CASP10: variants seen among roughly 807,000 people sequenced by gnomAD.
CASP10 encodes caspase 10, also known as caspase-10.
CASP10 carries 41 observed loss-of-function variants against 48.5 expected under a neutral mutation model. The observed-to-expected ratio is 0.85, with a 90% CI of 0.66 to 1.10. The LOEUF is 1.10. CASP10 is among the 50% of genes least tolerant of loss of function. The pLI, the probability that CASP10 is intolerant of heterozygous loss-of-function variation, is 0.00. For missense variants in CASP10, 614 were observed against 614.5 expected, an observed-to-expected ratio of 1.00 and a Z score of 0.01; for synonymous variants, 232 against 238.4, an observed-to-expected ratio of 0.97 and a Z score of 0.25.
intron 5 of CASP10, among the ~76,000 whole-genome samples, chr2:201,199,052 A>C (rs1296967150): frequency 1.3e-5 from 2 of 152,058 alleles, no homozygotes; most frequent in Non-Finnish European, 2.9e-5. Context: ...ATTTTTGTGC[A>C]TTTACTCACA....
In CASP10 at chr2:201,220,776, A is replaced by T. The variant is rs569419852; in HGVS notation, c.*3035A>T. 51 of 985,246 alleles carry T rather than the reference A, an allele frequency of 5.2e-5. No individual in the cohort carries two copies. Among genetic ancestry groups the T allele is most frequent in the Non-Finnish European group, 5.9e-5 (49 of 829,950 alleles). The allele number at this position is 985,246 out of a possible 1,614,324, so 61.0% of individuals were successfully genotyped here. A position where few individuals can be genotyped will look rare whatever the true frequency, so the allele number is the denominator to read the frequency against. On this transcript the variant is annotated 3_prime_UTR_variant, in exon 10 of 10. Transcript: ENST00000286186. ...GATGATCTCCCAAAACCGTGTTCAT[A>T]ACAGTCAGGGCCAAAAGCTAGTGGT...
intron 9 of CASP10, among the ~76,000 whole-genome samples, chr2:201,227,855 G>A (rs1029487654): frequency 4.7e-5 from 7 of 150,338 alleles, no homozygotes; most frequent in South Asian, 2.2e-4. Flanking sequence ...CACCGCGCCC[G>A]GCCCCCAAAC....
At chr2:201,227,976 G>A (rs1945810533) in intron 9 of CASP10, among the ~76,000 whole-genome samples, 2 of 152,102 alleles carry the variant, frequency 1.3e-5, no homozygotes, top group Admixed American at 6.5e-5. Context: ...CACTCTGAAT[G>A]CACAATTAGA....
intron 9 of CASP10, 28 bp downstream of exon 9, chr2:201,209,590 G>C: frequency 6.3e-7 from 1 of 1,587,798 alleles, no homozygotes; most frequent in Non-Finnish European, 8.6e-7. Context: ...TCTTCCATTT[G>C]TAATTAATTA....
Position 201,219,597 on chromosome 2 carries a change from G to C in CASP10, c.*1856G>C. 1 of 985,480 alleles carries C rather than the reference G, an allele frequency of 1.0e-6. No individual in the cohort carries two copies. Among genetic ancestry groups the C allele is most frequent in the Non-Finnish European group, 1.2e-6 (1 of 829,974 alleles). The allele number at this position is 985,480 out of a possible 1,614,324, so 61.0% of individuals were successfully genotyped here. On this transcript the variant is annotated 3_prime_UTR_variant, in exon 10 of 10. Coordinates refer to ENST00000286186, the MANE Select transcript of CASP10 (RefSeq NM_032977.4). The stretch of plus-strand genomic sequence containing the variant: ...AACTGAAGCTGTTCTCAGGATCACT[G>C]GGCTCTTCTTGGCAGAGGGGATGTC...
At chr2:201,202,275 A>C (rs1945046786) in intron 5 of CASP10, among the ~76,000 whole-genome samples, 1 of 152,186 alleles carries the variant, frequency 6.6e-6, no homozygotes, top group South Asian at 2.1e-4. Flanking sequence ...TATCAAAAGA[A>C]GTTGAAAGAT....
intron 1 of CASP10, among the ~76,000 whole-genome samples, chr2:201,183,598 A>G (rs1944305688): frequency 6.6e-6 from 1 of 152,242 alleles, no homozygotes; most frequent in African/African-American, 2.4e-5. Context: ...TAGATGCGGT[A>G]GAATAGAAAG....
chr2:201,212,502 C>G (rs746286802), intron 9 of CASP10: 21 of 152,128 alleles, frequency 1.4e-4, no homozygotes, highest in Non-Finnish European at 2.4e-4. Context: ...TGTTGAGGCT[C>G]TCATGTATTG....
intron 3 of CASP10, 57 bp from the exon 4 acceptor site, chr2:201,192,927 T>C (rs1019013182): frequency 1.3e-6 from 2 of 1,578,992 alleles, no homozygotes; most frequent in African/African-American, 1.3e-5. Context: ...CAGATAACAT[T>C]TGAGTGAGTG....
chr2:201,208,307 G>A, intron 8 of CASP10, 124 bp downstream of exon 8: 3 of 1,434,416 alleles, frequency 2.1e-6, no homozygotes, highest in African/African-American at 2.9e-5. Flanking sequence ...TCATGTTTCT[G>A]AGCCTCTTAT....
intron 5 of CASP10, among the ~76,000 whole-genome samples, chr2:201,199,524 T>G (rs1944934159): frequency 6.7e-6 from 1 of 148,912 alleles, no homozygotes; most frequent in Non-Finnish European, 1.5e-5. Flanking sequence ...TATAATACAA[T>G]ACAATATTGT....
In CASP10 at chr2:201,220,713, T is replaced by G; in HGVS notation, c.*2972T>G. On this transcript the variant is annotated 3_prime_UTR_variant, in exon 10 of 10. Coordinates refer to ENST00000286186, the MANE Select transcript of CASP10 (RefSeq NM_032977.4). ...CTTGGCTGTCAAGCCACCTTTCATGTTTCTTTCCTCTTTCTTTAATTCTTA... is the reference window on the plus strand; with the variant it reads ...CTTGGCTGTCAAGCCACCTTTCATGGTTCTTTCCTCTTTCTTTAATTCTTA... 1.0e-6 allele frequency: 1 copy of G among 983,014 alleles called. No individual in the cohort carries two copies. The highest frequency in any genetic ancestry group is 4.7e-5 in the South Asian group (1 of 21,244). The allele number at this position is 983,014 out of a possible 1,614,324, so 60.9% of individuals were successfully genotyped here.
At chr2:201,206,799 A>G (rs925957357) in intron 7 of CASP10, among the ~76,000 whole-genome samples, 6 of 151,934 alleles carry the variant, frequency 3.9e-5, no homozygotes, top group Admixed American at 6.6e-5. Context: ...TTTTGAAGGC[A>G]TTAGATCACT....
At chr2:201,223,435 G>A (rs1945749702), downstream of CASP10, among the ~76,000 whole-genome samples, 1 of 152,196 alleles carries the variant, frequency 6.6e-6, no homozygotes, top group African/African-American at 2.4e-5. Flanking sequence ...ACTTACTGAA[G>A]CCTCGAAGCC....
intron 2 of CASP10, 134 bp from the exon 3 acceptor site, chr2:201,187,572 A>C (rs978566076): frequency 7.8e-6 from 6 of 770,936 alleles, no homozygotes; most frequent in Non-Finnish European, 1.4e-5. Context: ...TTGAACCTAT[A>C]AATGGGATTA....
chr2:201,225,580 T>C (rs1945777483), downstream of CASP10, among the ~76,000 whole-genome samples: 1 of 152,222 alleles, frequency 6.6e-6, no homozygotes, highest in African/African-American at 2.4e-5. Flanking sequence ...AGCCCCACCT[T>C]TTCTCTTGAT....
At chr2:201,229,075 G>A (rs141197114) in exon 10 of CASP10, 90 of 1,613,988 alleles carry the variant, frequency 5.6e-5, no homozygotes, top group Non-Finnish European at 6.9e-5. Flanking sequence ...GTGGAGCAGC[G>A]TTTCCTAGTT....
chr2:201,200,582 G>A (rs1312159677), intron 5 of CASP10: 47 of 1,576,670 alleles, frequency 3.0e-5, no homozygotes, highest in Non-Finnish European at 3.5e-5. Context: ...AGAGCCGGGA[G>A]AGGCCTGCTC....
Position 201,218,064 on chromosome 2 carries a change from C to A in CASP10, c.*323C>A. The A allele has an allele frequency of 5.8e-6, 4 of 691,994 alleles. No individual in the cohort carries two copies. Among genetic ancestry groups the A allele is most frequent in the East Asian group, 6.8e-5 (1 of 14,748 alleles). 42.9% of individuals were successfully genotyped at this position (691,994 alleles called of 1,614,324 possible). On this transcript the variant is annotated 3_prime_UTR_variant, in exon 10 of 10. Coordinates refer to ENST00000286186, the MANE Select transcript of CASP10 (RefSeq NM_032977.4). ...AAGTAGCTGGGACCACAGGTGTGTACCACCGTGCCCGGATTTTTTTTATTC... is the reference window on the plus strand; with the variant it reads ...AAGTAGCTGGGACCACAGGTGTGTAACACCGTGCCCGGATTTTTTTTATTC...
Sources: allele counts gnomAD v4.1 joint callset (sites outside exome capture counted in the v4.1 genomes callset), GRCh38; gene constraint gnomAD v4.1.1; transcripts MANE v1.5; gene names NCBI Gene and HGNC (gene_info 2026-07-23, HGNC 2026-07-21).